NRXN3: variants seen among roughly 807,000 people sequenced by gnomAD.
The protein encoded by NRXN3 is neurexin III.
Under a neutral mutation model 137.6 loss-of-function variants are expected in NRXN3, and 32 were observed. That is an observed-to-expected ratio of 0.23 (90% confidence interval 0.18 to 0.31). NRXN3 has a LOEUF of 0.31. NRXN3 is among the 10% of genes least tolerant of loss of function. The pLI, the probability that NRXN3 is intolerant of heterozygous loss-of-function variation, is 1.00. For synonymous variants in NRXN3, 798 were observed against 784.5 expected (o/e 1.02, Z -0.29); for missense variants, 1,574 against 2,062.5 (o/e 0.76, Z 4.59).
intron 15 of NRXN3, among the ~76,000 whole-genome samples, chr14:79,360,453 A>G (rs2093645091): frequency 1.3e-5 from 2 of 152,202 alleles, no homozygotes; most frequent in South Asian, 4.1e-4. Flanking sequence ...ATGGAAAGTT[A>G]TTCCAATATC....
chr14:79,194,276 C>T (rs1210170033), intron 15 of NRXN3, among the ~76,000 whole-genome samples: 1 of 152,202 alleles, frequency 6.6e-6, no homozygotes, highest in Non-Finnish European at 1.5e-5. Flanking sequence ...TCTTCTCTGA[C>T]ATGCAAAAAT....
intron 4 of NRXN3, among the ~76,000 whole-genome samples, chr14:78,559,164 A>G (rs1395694881): frequency 6.6e-6 from 1 of 152,174 alleles, no homozygotes; most frequent in Admixed American, 6.5e-5. Context: ...CTTTCCCTAG[A>G]GATACCCATT....
At chr14:79,148,260 T>C (rs139817120) in intron 15 of NRXN3, among the ~76,000 whole-genome samples, 19 of 152,208 alleles carry the variant, frequency 1.2e-4, no homozygotes, top group Admixed American at 4.6e-4. Flanking sequence ...TCTGCAGAGA[T>C]GAGAGTTAAA....
rs1038425380 is a variant in NRXN3 at position 78,676,411 on chromosome 14, A to G, written c.1221+25085A>G. On this transcript the variant is annotated intron_variant, in intron 6 of 20. Transcript: ENST00000335750. ...AGAAAGTTTTACTGCTCTAGGTGGA[A>G]GATCAAACCAGCCACACATTTCCTT... Among the ~76,000 whole-genome samples the G allele has an allele frequency of 6.6e-5, 10 of 152,174 alleles. No homozygotes were observed. The South Asian group carries it at 2.1e-3, about 31-fold the overall frequency.
chr14:78,926,655 A>AT (rs1405125685), intron 10 of NRXN3, among the ~76,000 whole-genome samples: 1 of 97,422 alleles, frequency 1.0e-5, no homozygotes, highest in South Asian at 2.6e-4. Flanking sequence ...TATAATATAT[A>AT]TATTTATTAT....
intron 8 of NRXN3, among the ~76,000 whole-genome samples, chr14:78,761,207 G>A (rs1021493992): frequency 2.0e-5 from 3 of 152,120 alleles, no homozygotes; most frequent in African/African-American, 4.8e-5. Flanking sequence ...CACAATATGT[G>A]TTTCTTCTTG....
intron 19 of NRXN3, among the ~76,000 whole-genome samples, chr14:79,716,871 G>T (rs2098825502): frequency 1.3e-5 from 2 of 152,122 alleles, no homozygotes; most frequent in African/African-American, 4.8e-5. Flanking sequence ...GTAATTATTA[G>T]TAGTAACAAT....
chr14:79,772,756 C>G (rs1367673652), intron 19 of NRXN3, among the ~76,000 whole-genome samples: 1 of 151,500 alleles, frequency 6.6e-6, no homozygotes, highest in East Asian at 1.9e-4. Context: ...GCAATGGCAA[C>G]CAAAGCCAAA....
chr14:79,563,526 A>AT (rs771099193), intron 16 of NRXN3, among the ~76,000 whole-genome samples: 65 of 152,128 alleles, frequency 4.3e-4, no homozygotes, highest in Admixed American at 1.3e-4. Context: ...GAATGTGACC[A>AT]TAAAATTGAC....
chr14:79,138,678 A>G (rs2058495457), intron 15 of NRXN3, among the ~76,000 whole-genome samples: 1 of 152,216 alleles, frequency 6.6e-6, no homozygotes, highest in African/African-American at 2.4e-5. Context: ...ATCTTGTTAA[A>G]ATCACTAGGG....
At chr14:79,307,665 A>G (rs575574132) in intron 15 of NRXN3, among the ~76,000 whole-genome samples, 1 of 152,236 alleles carries the variant, frequency 6.6e-6, no homozygotes, top group South Asian at 2.1e-4. Flanking sequence ...GTTACTACTC[A>G]TTATTGGTAG....
intron 15 of NRXN3, among the ~76,000 whole-genome samples, chr14:79,002,824 A>G (rs1275007386): frequency 6.6e-6 from 1 of 152,156 alleles, no homozygotes; most frequent in Admixed American, 6.6e-5. Context: ...CACAATTTAC[A>G]TTCCCACCAA....
intron 6 of NRXN3, among the ~76,000 whole-genome samples, chr14:78,707,289 A>C (rs2152824241): frequency 6.6e-6 from 1 of 152,366 alleles, no homozygotes; most frequent in South Asian, 2.1e-4. Flanking sequence ...GTCCTGACTT[A>C]GAATTTGAAT....
intron 15 of NRXN3, among the ~76,000 whole-genome samples, chr14:79,028,610 A>G (rs1449114196): frequency 6.6e-6 from 1 of 152,218 alleles, no homozygotes; most frequent in Non-Finnish European, 1.5e-5. Flanking sequence ...TTACTGCAGT[A>G]TAAATGACTG....
At chr14:79,252,248 A>G (rs2076038437) in intron 15 of NRXN3, among the ~76,000 whole-genome samples, 1 of 152,214 alleles carries the variant, frequency 6.6e-6, no homozygotes. Context: ...CATAATAACC[A>G]GAAATCGAGT....
At chr14:78,605,070 A>G (rs1000432506) in intron 4 of NRXN3, among the ~76,000 whole-genome samples, 1 of 152,170 alleles carries the variant, frequency 6.6e-6, no homozygotes. Flanking sequence ...TTCTAAAGAG[A>G]TCTAGTACAA....
intron 19 of NRXN3, among the ~76,000 whole-genome samples, chr14:79,729,339 T>G (rs1021711384): frequency 2.0e-5 from 3 of 152,162 alleles, no homozygotes; most frequent in Non-Finnish European, 4.4e-5. Flanking sequence ...TATTTTCCAA[T>G]CAGTGGGAGG....
chr14:79,212,655 T>C (rs1197425163), intron 15 of NRXN3, among the ~76,000 whole-genome samples: 1 of 152,182 alleles, frequency 6.6e-6, no homozygotes, highest in Non-Finnish European at 1.5e-5. Flanking sequence ...TGTCTTCCTC[T>C]ATGCCCCTCA....
At chr14:79,537,545 GT>G (rs1166417465) in intron 16 of NRXN3, among the ~76,000 whole-genome samples, 2 of 152,034 alleles carry the variant, frequency 1.3e-5, no homozygotes, top group South Asian at 2.1e-4. Flanking sequence ...GCAGTGTTTG[GT>G]TTTTTTGTCC....
Sources: allele counts gnomAD v4.1 joint callset (sites outside exome capture counted in the v4.1 genomes callset), GRCh38; gene constraint gnomAD v4.1.1; transcripts MANE v1.5; gene names NCBI Gene and HGNC (gene_info 2026-07-23, HGNC 2026-07-21).